GAB4: variants seen among roughly 807,000 people sequenced by gnomAD.
GAB4 encodes GRB2-associated-binding protein 4.
Under a neutral mutation model 51.3 loss-of-function variants are expected in GAB4, and 26 were observed. The observed-to-expected ratio is 0.51, with a 90% CI of 0.37 to 0.70. The LOEUF (loss-of-function observed/expected upper bound fraction) is 0.70. Ranked by LOEUF, GAB4 falls within the 30% of genes least tolerant of loss-of-function variation. GAB4 has a pLI of 0.00. For missense variants in GAB4, 759 were observed against 734.6 expected (o/e 1.03, Z -0.38); for synonymous variants, 329 against 291.2 (o/e 1.13, Z -1.32).
chr22:16,996,482 A>G (rs1601285730), intron 1 of GAB4, among the ~76,000 whole-genome samples: 2 of 152,194 alleles, frequency 1.3e-5, no homozygotes, highest in East Asian at 3.9e-4. Flanking sequence ...TCCTCGAGAA[A>G]AGCAACCCCA....
chr22:17,001,512 A>G lies in GAB4; in HGVS notation c.174+6429T>C, dbSNP rs946006886. 5.9e-5 allele frequency among the ~76,000 whole-genome samples: 9 copies of G among 152,052 alleles called. No individual in the cohort carries two copies. In the East Asian group the frequency reaches 9.7e-4, roughly 16 times the overall value. On this transcript the variant is annotated intron_variant, in intron 1 of 9. Coordinates refer to ENST00000400588, the MANE Select transcript of GAB4 (RefSeq NM_001037814.1). ...TCAGGTCATTTAAGGACTTCTCTAT[A>G]CTGTTTATTCTAGTTAGCTATTTGC...
chr22:16,980,207 A>G (rs1251403873), intron 3 of GAB4, among the ~76,000 whole-genome samples: 1 of 152,228 alleles, frequency 6.6e-6, no homozygotes, highest in East Asian at 1.9e-4. Context: ...AGAAACTATC[A>G]TCAGAGTGAA....
At position 16,988,104 on chromosome 22, in the gene GAB4, C is replaced by T; in HGVS notation, c.542G>A (p.Cys181Tyr). The T allele has an allele frequency of 6.2e-7, 1 of 1,610,692 alleles. No homozygotes were observed. The highest frequency in any genetic ancestry group is 1.1e-5 in the South Asian group (1 of 90,346). ...TTCTTGGGGGAGGTGCTGATGGGAG[C>T]AGCTGGGCTCAGCTGGAGAAGAGCA... ...GLCSSPAEPS[C>Y]SHQHLPQEQE... The change falls in exon 3 of 10, where the codon TGC becomes TAC. Residue 181 changes from cysteine to tyrosine, a missense_variant. Physicochemically the swap from Cys to Tyr is radical, Grantham distance 194. Around this residue, in one of 3 missense-constraint regions of GAB4, gnomAD observed 588 missense variants for 510.2 expected, o/e 1.15. Coordinates refer to ENST00000400588, the MANE Select transcript of GAB4 (RefSeq NM_001037814.1).
In GAB4 at chr22:16,988,181, A is replaced by G; in HGVS notation, c.479-14T>C. On this transcript the variant is annotated splice_polypyrimidine_tract_variant and intron_variant, in intron 2 of 9. Transcript: ENST00000400588. ...TTCCCAGGAAGCCTGTGAATGAAACAGGAAGGAAGGGCATCCTTGTCCTAA... is the reference window on the plus strand; with the variant it reads ...TTCCCAGGAAGCCTGTGAATGAAACGGGAAGGAAGGGCATCCTTGTCCTAA... 2 of 1,585,058 alleles carry G rather than the reference A, an allele frequency of 1.3e-6. No individual in the cohort carries two copies. The highest frequency in any genetic ancestry group is 4.5e-5 in the East Asian group (2 of 44,692).
intron 1 of GAB4, among the ~76,000 whole-genome samples, chr22:16,998,441 CTGTT>C (rs1329711710): frequency 1.3e-5 from 2 of 152,122 alleles, no homozygotes; most frequent in African/African-American, 2.4e-5. Flanking sequence ...ATTTGGCTCT[CTGTT>C]TGTCTGTTAT....
intron 3 of GAB4, among the ~76,000 whole-genome samples, chr22:16,976,660 T>C (rs1243468111): frequency 1.3e-5 from 2 of 151,804 alleles, no homozygotes; most frequent in African/African-American, 4.8e-5. Context: ...ATTCAGGAAA[T>C]ACAGAGAACA....
At chr22:16,978,492 A>G (rs2060799921) in intron 3 of GAB4, among the ~76,000 whole-genome samples, 1 of 152,222 alleles carries the variant, frequency 6.6e-6, no homozygotes, top group Admixed American at 6.5e-5. Flanking sequence ...AAGGAAGTCG[A>G]ATCCCTGAAT....
In GAB4 at chr22:16,994,060, GA is replaced by G. The variant is rs878887551; in HGVS notation, c.175-1885del. The stretch of plus-strand genomic sequence containing the variant: ...CAAGACACAAATTTCTCCCATCTTA[GA>G]AAAAAAAAATTAGAAATTTGGTTTC... On this transcript the variant is annotated intron_variant, in intron 1 of 9. Coordinates refer to ENST00000400588, the MANE Select transcript of GAB4 (RefSeq NM_001037814.1). Among the ~76,000 whole-genome samples the G allele has an allele frequency of 6.3e-4, 95 of 149,630 alleles. No homozygotes were observed. In the South Asian group the frequency reaches 0.015, roughly 24 times the overall value.
chr22:16,999,895 T>G (rs747530014), intron 1 of GAB4, among the ~76,000 whole-genome samples: 1 of 152,226 alleles, frequency 6.6e-6, no homozygotes, highest in Non-Finnish European at 1.5e-5. Context: ...CTTTTTGTTA[T>G]GTACCCAGTA....
intron 5 of GAB4, 73 bp from the exon 6 acceptor site, chr22:16,966,437 A>G: frequency 6.8e-7 from 1 of 1,469,898 alleles, no homozygotes; most frequent in Non-Finnish European, 9.2e-7. Flanking sequence ...TTTCTAGACA[A>G]GGCCAAAAAG....
intron 6 of GAB4, 50 bp downstream of exon 6, chr22:16,966,050 A>T: frequency 1.3e-6 from 2 of 1,569,000 alleles, no homozygotes; most frequent in Non-Finnish European, 1.7e-6. Context: ...CACCTAAGCG[A>T]ATGCAGAGTC....
chr22:16,992,050 G>T lies in GAB4; in HGVS notation c.301C>A (p.Gln101Lys). Residue 101 changes from glutamine (Q) to lysine (K), a missense_variant, in exon 2 of 10, where the codon CAG becomes AAG. Around this residue, in one of 3 missense-constraint regions of GAB4, gnomAD observed 88 missense variants for 151.3 expected, o/e 0.58. Coordinates refer to ENST00000400588, the MANE Select transcript of GAB4 (RefSeq NM_001037814.1). The part of the protein sequence containing the change: ...LRTINLNLCE[Q>K]LDVDVTLNFN... The stretch of plus-strand genomic sequence containing the variant: ...TTCAGAGTCACATCAACATCCAGCT[G>T]CTCACAGAGGTTCAGGTTGATGGTG... 1 of 1,614,216 alleles carries T rather than the reference G, an allele frequency of 6.2e-7. No individual in the cohort carries two copies. Among genetic ancestry groups the T allele is most frequent in the African/African-American group, 1.3e-5 (1 of 75,060 alleles).
intron 9 of GAB4, among the ~76,000 whole-genome samples, chr22:16,963,231 G>A (rs1293285473): frequency 1.3e-5 from 2 of 152,150 alleles, no homozygotes; most frequent in African/African-American, 2.4e-5. Context: ...TGCCCTTGGT[G>A]AGCCCTATCT....
chr22:16,989,684 G>A (rs1048393814), intron 2 of GAB4, among the ~76,000 whole-genome samples: 13 of 152,196 alleles, frequency 8.5e-5, no homozygotes, highest in South Asian at 4.1e-4. Flanking sequence ...AAGCAGCCAC[G>A]GCACCAAGGA....
rs1486938507 is a variant in GAB4, at chr22:16,969,878, G to T, written c.937+65C>A. 5 of 1,592,342 alleles carry T rather than the reference G, an allele frequency of 3.1e-6. No individual in the cohort carries two copies. In the Admixed American group the frequency reaches 6.7e-5, roughly 21 times the overall value. On this transcript the variant is annotated intron_variant, in intron 4 of 9. Coordinates refer to ENST00000400588, the MANE Select transcript of GAB4 (RefSeq NM_001037814.1). Reference sequence around the variant, plus strand: ...GTGGGGTGGCCGGAACACCACTATTGTTCACCAGGTGGCCCCCAAACTCCT... The same window carrying T: ...GTGGGGTGGCCGGAACACCACTATTTTTCACCAGGTGGCCCCCAAACTCCT...
At position 16,966,146 on chromosome 22, in the gene GAB4, C is replaced by T. The variant is rs61740195; in HGVS notation, c.1242G>A (p.Glu414=). ...SMHQDLSQGH[E]VQLPPVNRSL... ...TGCGGTTGACAGGGGGCAGCTGGAC[C>T]TCATGTCCCTGGCTGAGGTCTTGGT... is the stretch of plus-strand genomic sequence containing the variant. Residue 414 remains glutamate, a synonymous_variant, in exon 6 of 10, where the codon GAG becomes GAA. Coordinates refer to ENST00000400588, the MANE Select transcript of GAB4 (RefSeq NM_001037814.1). 1.2e-6 allele frequency: 2 copies of T among 1,614,048 alleles called. No homozygotes were observed. Among genetic ancestry groups the T allele is most frequent in the African/African-American group, 1.3e-5 (1 of 75,024 alleles).
chr22:16,981,315 G>A (rs1436072329), intron 3 of GAB4, among the ~76,000 whole-genome samples: 1 of 151,356 alleles, frequency 6.6e-6, no homozygotes, highest in Non-Finnish European at 1.5e-5. Context: ...AATTTAGAGT[G>A]AAAAAAATAA....
chr22:16,994,165 A>C (rs2060933802), intron 1 of GAB4, among the ~76,000 whole-genome samples: 2 of 152,086 alleles, frequency 1.3e-5, no homozygotes, highest in Admixed American at 6.6e-5. Context: ...CCTCATTGCT[A>C]ATCTTCATTT....
Position 16,996,238 on chromosome 22 carries a change from G to A in GAB4, c.175-4062C>T, listed in dbSNP as rs190631073. Among the ~76,000 whole-genome samples, 5 of 151,726 alleles carry A rather than the reference G, an allele frequency of 3.3e-5. No homozygotes were observed. The East Asian group carries it at 9.7e-4, about 29-fold the overall frequency. The stretch of plus-strand genomic sequence containing the variant: ...TTGAAGATTAACTTAATGAAATAAA[G>A]CATGAAGACAAGATTAGAGAAAAAA... On this transcript the variant is annotated intron_variant, in intron 1 of 9. Transcript: ENST00000400588.
Sources: gnomAD v4.1 joint callset for allele counts (sites outside exome capture counted in the v4.1 genomes callset) on GRCh38, gnomAD v4.1.1 for gene constraint, gnomAD v4.1.1 regional missense constraint, MANE v1.5 for transcripts, NCBI Gene and HGNC (gene_info 2026-07-23, HGNC 2026-07-21) for gene names.